Variants in CREB5 observed in about 807,000 individuals in gnomAD.
CREB5 encodes the protein cAMP responsive element binding protein 5, also known as cyclic AMP-responsive element-binding protein 5.
A neutral mutation model predicts 57.1 loss-of-function variants in CREB5; 19 were observed. The observed-to-expected ratio is 0.33, with a 90% CI of 0.23 to 0.49. The LOEUF (loss-of-function observed/expected upper bound fraction) is 0.49. Ranked by LOEUF, CREB5 falls within the 20% of genes least tolerant of loss-of-function variation. The pLI is 0.99. For missense variants in CREB5, 579 were observed against 671.6 expected (o/e 0.86, Z 1.52); for synonymous variants, 238 against 238.3 (o/e 1.00, Z 0.01).
At position 28,505,219 on chromosome 7, in the gene CREB5, TGCACACACGCAC is replaced by T. The variant is rs1406154611; in HGVS notation, c.170-2384_170-2373del. On this transcript the variant is annotated intron_variant, in intron 3 of 10. Coordinates refer to ENST00000357727, the MANE Select transcript of CREB5 (RefSeq NM_182898.4). Reference sequence around the variant, plus strand: ...GCACACACACGCACACACACACACATGCACACACGCACGCACACACGCACATACACCCTTTTA... The same window carrying T: ...GCACACACACGCACACACACACACATGCACACACGCACATACACCCTTTTA... Among the ~76,000 whole-genome samples, 5 of 149,584 alleles carry T rather than the reference TGCACACACGCAC, an allele frequency of 3.3e-5. No individual in the cohort carries two copies. The South Asian group carries it at 6.4e-4, about 19-fold the overall frequency.
intron 7 of CREB5, among the ~76,000 whole-genome samples, chr7:28,777,046 C>T (rs1806697259): frequency 6.6e-6 from 1 of 152,138 alleles, no homozygotes; most frequent in South Asian, 2.1e-4. Context: ...ATTTTCAGTT[C>T]TTTTGGGTAT....
chr7:28,771,722 C>A (rs1644137177), intron 7 of CREB5, among the ~76,000 whole-genome samples: 1 of 120,806 alleles, frequency 8.3e-6, no homozygotes, highest in African/African-American at 3.2e-5. Flanking sequence ...AGACCTGGCA[C>A]TTCATAATGT....
chr7:28,510,493 A>T (rs1792662071), intron 4 of CREB5, among the ~76,000 whole-genome samples: 1 of 152,244 alleles, frequency 6.6e-6, no homozygotes, highest in African/African-American at 2.4e-5. Context: ...TTACACAAAA[A>T]ATATTGGAAA....
intron 1 of CREB5, among the ~76,000 whole-genome samples, chr7:28,348,383 GTC>G (rs1349981151): frequency 1.5e-5 from 1 of 66,094 alleles, no homozygotes; most frequent in Non-Finnish European, 3.4e-5. Context: ...CTCTCTCTCT[GTC>G]TCTCTCTCTC....
rs140313485 is a variant in CREB5, at chr7:28,387,356, G to T, written c.-25+87915G>T. Among the ~76,000 whole-genome samples, 21 of 152,066 alleles carry T rather than the reference G, an allele frequency of 1.4e-4. No homozygotes were observed. The East Asian group carries it at 3.7e-3, about 27-fold the overall frequency. Reference sequence around the variant, plus strand: ...ATGTTGAGCTTTTTTTCATGTGTTTGTTGGTTGAATGTATGTCTTTTGAGA... The same window carrying T: ...ATGTTGAGCTTTTTTTCATGTGTTTTTTGGTTGAATGTATGTCTTTTGAGA... On this transcript the variant is annotated intron_variant, in intron 1 of 9. Coordinates refer to the CREB5 transcript ENST00000396299.
chr7:28,341,197 A>C (rs568845642), intron 1 of CREB5, among the ~76,000 whole-genome samples: 2 of 152,140 alleles, frequency 1.3e-5, no homozygotes, highest in African/African-American at 4.8e-5. Context: ...CTATTCAGCC[A>C]TCTTGCTCCA....
intron 5 of CREB5, chr7:28,685,884 C>A: frequency 2.5e-6 from 1 of 404,668 alleles, no homozygotes; most frequent in Non-Finnish European, 4.4e-6. Flanking sequence ...GTTTTGGTTA[C>A]ATTGAAGTTT....
chr7:28,560,995 C>CGTG (rs1562798331), intron 4 of CREB5, among the ~76,000 whole-genome samples: 3 of 27,346 alleles, frequency 1.1e-4, no homozygotes, highest in South Asian at 1.5e-3. Context: ...CGTGTGTGTG[C>CGTG]CTGCGTGTGC....
In CREB5 at chr7:28,342,745, T is replaced by A. The variant is rs570658601; in HGVS notation, c.-25+43304T>A. 7.9e-5 allele frequency among the ~76,000 whole-genome samples: 12 copies of A among 152,244 alleles called. No individual in the cohort carries two copies. In the South Asian group the frequency reaches 2.5e-3, roughly 32 times the overall value. On this transcript the variant is annotated intron_variant, in intron 1 of 9. Transcript: ENST00000396299. ...AGATTACAGGAGGAAAAAAACCATA[T>A]CCCAATTTCAGTTGTCACTTTTTAA...
intron 6 of CREB5, among the ~76,000 whole-genome samples, chr7:28,721,101 G>A (rs371684432): frequency 1.4e-4 from 22 of 152,156 alleles, no homozygotes; most frequent in African/African-American, 4.3e-4. Flanking sequence ...GGCAATAGGC[G>A]TCAGTTTAGA....
chr7:28,655,499 T>C (rs775273635), intron 5 of CREB5, among the ~76,000 whole-genome samples: 50 of 152,134 alleles, frequency 3.3e-4, no homozygotes, highest in Non-Finnish European at 5.1e-4. Flanking sequence ...TGGTCCTAGC[T>C]ACTCAGGAAG....
At chr7:28,523,470 A>G (rs1170791470) in intron 4 of CREB5, among the ~76,000 whole-genome samples, 1 of 152,166 alleles carries the variant, frequency 6.6e-6, no homozygotes, top group African/African-American at 2.4e-5. Flanking sequence ...CTAGTGATAT[A>G]AAGGAAAGTT....
rs992904531 is a variant in CREB5, at chr7:28,543,041, CT to C, written c.292-27315del. Among the ~76,000 whole-genome samples the C allele has an allele frequency of 2.1e-3, 324 of 151,684 alleles. 2 individuals carry two copies. Among genetic ancestry groups the C allele is most frequent in the African/African-American group, 7.2e-3 (300 of 41,404 alleles). On this transcript the variant is annotated intron_variant, in intron 4 of 10. Transcript: ENST00000357727. ...TCATGCATACCTTATACTCATATAA[CT>C]TTTTTTTTAAGTTTACAGAGTGTTT...
intron 1 of CREB5, among the ~76,000 whole-genome samples, chr7:28,404,922 C>T (rs557985393): frequency 6.2e-4 from 95 of 152,340 alleles, no homozygotes; most frequent in African/African-American, 2.3e-3. Context: ...TTTCTCATCT[C>T]TGCCATGCCC....
chr7:28,560,885 T>TGCATGC (rs1795142152), intron 4 of CREB5, among the ~76,000 whole-genome samples: 3 of 26,478 alleles, frequency 1.1e-4, no homozygotes, highest in African/African-American at 1.6e-4. Flanking sequence ...CGTGCGTGCG[T>TGCATGC]GCGTGTGTGT....
At chr7:28,734,206 C>CAAAAA (rs61403862) in intron 7 of CREB5, among the ~76,000 whole-genome samples, 24 of 96,398 alleles carry the variant, frequency 2.5e-4, no homozygotes, top group Admixed American at 3.6e-4. Flanking sequence ...TTCAGTAGTT[C>CAAAAA]AAAAAAAAAA....
intron 5 of CREB5, among the ~76,000 whole-genome samples, chr7:28,582,843 T>C (rs1202885855): frequency 6.6e-6 from 1 of 152,190 alleles, no homozygotes; most frequent in Non-Finnish European, 1.5e-5. Context: ...CAGGCTGACA[T>C]ATGACAATTC....
chr7:28,366,718 T>C (rs572158693), intron 1 of CREB5, among the ~76,000 whole-genome samples: 76 of 152,342 alleles, frequency 5.0e-4, no homozygotes, highest in African/African-American at 1.8e-3. Flanking sequence ...ACATTGGACA[T>C]CCTTCTGCAA....
At chr7:28,483,909 C>T (rs999964082) in intron 1 of CREB5, among the ~76,000 whole-genome samples, 6 of 152,170 alleles carry the variant, frequency 3.9e-5, no homozygotes, top group Non-Finnish European at 8.8e-5. Context: ...AACTACTTAC[C>T]TCACCAATAA....
Sources: gnomAD v4.1 joint callset for allele counts (sites outside exome capture counted in the v4.1 genomes callset) on GRCh38, gnomAD v4.1.1 for gene constraint, MANE v1.5 for transcripts, NCBI Gene and HGNC (gene_info 2026-07-23, HGNC 2026-07-21) for gene names.